Variants in CTXN2 observed in about 807,000 individuals in gnomAD.
CTXN2 encodes cortexin-2.
In CTXN2, 3 loss-of-function variants were observed where a neutral mutation model predicts 5.7. The observed-to-expected ratio is 0.53, with a 90% CI of 0.24 to 1.36. CTXN2 has a LOEUF of 1.36. Ranked by LOEUF, CTXN2 falls within the 40% of genes most tolerant of loss-of-function variation. The probability of loss-of-function intolerance (pLI) is 0.17; values close to 1 mark genes in which losing one functional copy is unlikely to be tolerated. For missense variants in CTXN2, 87 were observed against 93.0 expected (o/e 0.94, Z 0.26); for synonymous variants, 38 against 36.4 (o/e 1.04, Z -0.16).
At chr15:48,193,281 CAA>C (rs924140159) in intron 1 of CTXN2, among the ~76,000 whole-genome samples, 1 of 152,032 alleles carries the variant, frequency 6.6e-6, no homozygotes, top group Non-Finnish European at 1.5e-5. Context: ...GAATATGGCT[CAA>C]GACAATATTT....
chr15:48,183,243 T>C (rs1382921410), intron 1 of CTXN2, among the ~76,000 whole-genome samples: 1 of 152,216 alleles, frequency 6.6e-6, no homozygotes, highest in African/African-American at 2.4e-5. Flanking sequence ...ACCCTATGTG[T>C]GCAATCGTGC....
chr15:48,194,991 A>T (rs1304584276), intron 1 of CTXN2, among the ~76,000 whole-genome samples: 1 of 152,162 alleles, frequency 6.6e-6, no homozygotes, highest in Middle Eastern at 3.2e-3. Flanking sequence ...CAATACCTTA[A>T]AATATTCTCC....
chr15:48,194,249 C>A (rs977613534), intron 1 of CTXN2, among the ~76,000 whole-genome samples: 4 of 151,304 alleles, frequency 2.6e-5, no homozygotes, highest in Non-Finnish European at 5.9e-5. Context: ...TTTTACAGTT[C>A]TTTGAATCCA....
At chr15:48,191,000 T>TG (rs1201355928), upstream of CTXN2, 1 of 152,308 alleles carries the variant, frequency 6.6e-6, no homozygotes, top group Non-Finnish European at 1.5e-5. Flanking sequence ...TAGCTTGTGT[T>TG]GGGGAGACAG....
upstream of CTXN2, among the ~76,000 whole-genome samples, chr15:48,190,630 CA>C (rs1273360754): frequency 6.6e-6 from 1 of 151,780 alleles, no homozygotes; most frequent in Non-Finnish European, 1.5e-5. Context: ...ATGAGTGTCC[CA>C]ATTCTGTATC....
chr15:48,201,682 C>A lies in CTXN2; in HGVS notation c.*136C>A. 1 of 831,894 alleles carries A rather than the reference C, an allele frequency of 1.2e-6. No homozygotes were observed. Among genetic ancestry groups the A allele is most frequent in the Non-Finnish European group, 1.9e-6 (1 of 531,180 alleles). The allele number at this position is 831,894 out of a possible 1,614,324, so 51.5% of individuals were successfully genotyped here. A position where few individuals can be genotyped will look rare whatever the true frequency, so the allele number is the denominator to read the frequency against. On this transcript the variant is annotated 3_prime_UTR_variant, in exon 2 of 2. Transcript: ENST00000417307. ...TAAACATCTGTGACTAATTTCTTCA[C>A]CATGCTGTGTAAATGATAAACTATT...
At chr15:48,186,392 C>G (rs919297616) in intron 1 of CTXN2, among the ~76,000 whole-genome samples, 1 of 152,188 alleles carries the variant, frequency 6.6e-6, no homozygotes, top group Admixed American at 6.5e-5. Context: ...GCTCAATTCA[C>G]TTAGGAGTCC....
rs1289380694 is a variant in CTXN2 at position 48,201,451 on chromosome 15, ATCC to A, written c.153_155del (p.Ile51_Leu52delinsMet). 6.4e-7 allele frequency: 1 copy of A among 1,551,266 alleles called. No homozygotes were observed. Among genetic ancestry groups the A allele is most frequent in the Non-Finnish European group, 8.7e-7 (1 of 1,146,756 alleles). On this transcript the variant is annotated inframe_deletion, in exon 2 of 2. Transcript: ENST00000417307. Reference sequence around the variant, plus strand: ...ACTTCTTATTATCCGATGCTTCAAAATCCTGCTAGACCCATATAGTAGCATGCC... The same window carrying A: ...ACTTCTTATTATCCGATGCTTCAAAATGCTAGACCCATATAGTAGCATGCC...
intron 1 of CTXN2, among the ~76,000 whole-genome samples, chr15:48,197,568 TACTC>T (rs750911226): frequency 9.9e-5 from 15 of 152,084 alleles, no homozygotes; most frequent in Non-Finnish European, 2.1e-4. Flanking sequence ...ATCTAACAGA[TACTC>T]AATATACATT....
intron 1 of CTXN2, among the ~76,000 whole-genome samples, chr15:48,185,198 A>G (rs540066134): frequency 1.9e-4 from 29 of 152,300 alleles, no homozygotes; most frequent in African/African-American, 5.3e-4. Flanking sequence ...ATTCTGCATG[A>G]CAATATAATG....
intron 1 of CTXN2, chr15:48,178,603 T>G (rs1480377826): frequency 8.7e-6 from 2 of 229,038 alleles, no homozygotes; most frequent in Non-Finnish European, 1.7e-5. Flanking sequence ...AAAGCGGGAT[T>G]AGACATCAAA....
At chr15:48,179,843 A>G (rs1003021903) in intron 1 of CTXN2, among the ~76,000 whole-genome samples, 3 of 152,212 alleles carry the variant, frequency 2.0e-5, no homozygotes, top group African/African-American at 7.2e-5. Flanking sequence ...TACTTTCAAA[A>G]TAGTCATCAT....
intron 1 of CTXN2, among the ~76,000 whole-genome samples, chr15:48,179,342 C>T (rs2140964332): frequency 6.6e-6 from 1 of 152,136 alleles, no homozygotes; most frequent in East Asian, 1.9e-4. Flanking sequence ...ATAATTTCAT[C>T]TTCGGCTTTT....
chr15:48,198,743 A>G (rs957167352), intron 1 of CTXN2, among the ~76,000 whole-genome samples: 2 of 152,198 alleles, frequency 1.3e-5, no homozygotes, highest in Non-Finnish European at 2.9e-5. Context: ...TCACTGGTTA[A>G]GAGCCAACAG....
At chr15:48,197,148 T>C (rs765467205) in intron 1 of CTXN2, among the ~76,000 whole-genome samples, 2 of 151,974 alleles carry the variant, frequency 1.3e-5, no homozygotes, top group African/African-American at 2.4e-5. Flanking sequence ...TAATCTTATA[T>C]TGGTCTATCT....
At chr15:48,182,148 A>G (rs538816603) in intron 1 of CTXN2, among the ~76,000 whole-genome samples, 2 of 151,794 alleles carry the variant, frequency 1.3e-5, no homozygotes, top group East Asian at 3.9e-4. Context: ...TATCACCCCC[A>G]ATACACCCTC....
Position 48,191,723 on chromosome 15 carries a change from C to T in CTXN2, c.-188C>T. 1 of 456,014 alleles carries T rather than the reference C, an allele frequency of 2.2e-6. No individual in the cohort carries two copies. Among genetic ancestry groups the T allele is most frequent in the Non-Finnish European group, 4.4e-6 (1 of 226,796 alleles). The allele number at this position is 456,014 out of a possible 1,614,324, so 28.2% of individuals were successfully genotyped here. ...AGGCCAGGAAAGCGCTAACCAGGGC[C>T]CTGTGACTCTACGCAGGTTCCAGAA... On this transcript the variant is annotated 5_prime_UTR_variant, in exon 1 of 2. Transcript: ENST00000417307.
chr15:48,180,977 T>G (rs941852354), intron 1 of CTXN2, among the ~76,000 whole-genome samples: 3 of 152,208 alleles, frequency 2.0e-5, no homozygotes, highest in Admixed American at 1.3e-4. Flanking sequence ...ATCACTTAGT[T>G]TTCTTTCTTA....
chr15:48,187,660 C>A (rs2040771189), upstream of CTXN2, among the ~76,000 whole-genome samples: 1 of 152,130 alleles, frequency 6.6e-6, no homozygotes, highest in African/African-American at 2.4e-5. Flanking sequence ...TGAAAAGAAT[C>A]CTGAGCTCAG....
Sources: gnomAD v4.1 joint callset for allele counts (sites outside exome capture counted in the v4.1 genomes callset) on GRCh38, gnomAD v4.1.1 for gene constraint, MANE v1.5 for transcripts, NCBI Gene and HGNC (gene_info 2026-07-23, HGNC 2026-07-21) for gene names.